KCTD1: variants seen among roughly 807,000 people sequenced by gnomAD.
KCTD1 encodes the protein potassium channel tetramerization domain containing 1.
Under a neutral mutation model 66.0 loss-of-function variants are expected in KCTD1, and 24 were observed. The ratio of observed to expected loss-of-function variants is 0.36; its 90% confidence interval spans 0.26 to 0.51. The LOEUF is 0.51. KCTD1 is among the 20% of genes least tolerant of loss of function. The pLI, the probability that KCTD1 is intolerant of heterozygous loss-of-function variation, is 0.95. For synonymous variants in KCTD1, 511 were observed against 517.2 expected (o/e 0.99, Z 0.16); for missense variants, 943 against 1,205.2 (o/e 0.78, Z 3.22).
In KCTD1 at chr18:26,532,927, C is replaced by T. The variant is rs148459182; in HGVS notation, c.1809+13801G>A. ...ACCTTCACTGCCTTGTTCTTTATTG[C>T]GTCCTCAGTGATAAGCGAAGTTGGT... On this transcript the variant is annotated intron_variant, in intron 1 of 4. Coordinates refer to ENST00000580059, the MANE Select transcript of KCTD1 (RefSeq NM_001142730.3). Among the ~76,000 whole-genome samples the T allele has an allele frequency of 1.5e-3, 232 of 152,318 alleles. 1 individual carries two copies. Among genetic ancestry groups the T allele is most frequent in the African/African-American group, 5.2e-3 (217 of 41,570 alleles).
intron 1 of KCTD1, among the ~76,000 whole-genome samples, chr18:26,519,008 C>T (rs1156544188): frequency 6.6e-6 from 1 of 152,176 alleles, no homozygotes; most frequent in Non-Finnish European, 1.5e-5. Flanking sequence ...ATAATGTATA[C>T]TAATGAACTT....
At chr18:26,603,887 A>G (rs1011465587) in intron 1 of KCTD1, among the ~76,000 whole-genome samples, 1 of 152,126 alleles carries the variant, frequency 6.6e-6, no homozygotes, top group Non-Finnish European at 1.5e-5. Context: ...AATCACAACA[A>G]AAGCAAAAAT....
rs1281422889 is a variant in KCTD1 at position 26,532,257 on chromosome 18, CCTTCTTT to C, written c.1809+14464_1809+14470del. Among the ~76,000 whole-genome samples the C allele has an allele frequency of 8.6e-5, 11 of 128,206 alleles. 2 individuals are homozygous for C. Among genetic ancestry groups the C allele is most frequent in the African/African-American group, 2.4e-4 (7 of 29,670 alleles). 84.1% of individuals were successfully genotyped at this position (128,206 alleles called of 152,430 possible). Reference sequence around the variant, plus strand: ...TATTCTTTTTCTTTTTCTTTTCTTTCCTTCTTTTTTTTTTTTTTTTTTTTTTTTTTGA... The same window carrying C: ...TATTCTTTTTCTTTTTCTTTTCTTTCTTTTTTTTTTTTTTTTTTTTTTTGA... On this transcript the variant is annotated intron_variant, in intron 1 of 4. Transcript: ENST00000580059.
At chr18:26,625,693 T>C (rs1016916772) in intron 1 of KCTD1, among the ~76,000 whole-genome samples, 16 of 152,246 alleles carry the variant, frequency 1.1e-4, no homozygotes. Context: ...TAATGTCCTA[T>C]AACATTGTTC....
chr18:26,536,993 G>GA (rs1490755820), intron 1 of KCTD1, among the ~76,000 whole-genome samples: 1 of 151,018 alleles, frequency 6.6e-6, no homozygotes, highest in Non-Finnish European at 1.5e-5. Context: ...AAGTGATCCT[G>GA]AAAAAAATAG....
At chr18:26,548,917 G>C (rs1025798529), upstream of KCTD1, 9 of 989,184 alleles carry the variant, frequency 9.1e-6, no homozygotes, top group African/African-American at 5.2e-5. Flanking sequence ...GCGCGGGCCC[G>C]GGCGGGAGAG....
Position 26,622,757 on chromosome 18 carries a change from A to G in KCTD1, c.-16+6390T>C, listed in dbSNP as rs1987413498. Among the ~76,000 whole-genome samples the G allele has an allele frequency of 2.6e-5, 4 of 151,752 alleles. No homozygotes were observed. In the South Asian group the frequency reaches 8.4e-4, roughly 32 times the overall value. On this transcript the variant is annotated intron_variant, in intron 1 of 4. Coordinates refer to the KCTD1 transcript ENST00000317932. ...GCCTACCAGATGGGTAGGGGTGGAG[A>G]GGGTAGAGAGGGGGTGGCGGAAGTG...
chr18:26,554,574 A>C (rs1250186610), intron 1 of KCTD1, among the ~76,000 whole-genome samples: 1 of 152,232 alleles, frequency 6.6e-6, no homozygotes, highest in African/African-American at 2.4e-5. Flanking sequence ...TTCTATTGAA[A>C]TCCTGGGCTA....
intron 1 of KCTD1, among the ~76,000 whole-genome samples, chr18:26,609,886 C>G (rs924826884): frequency 6.6e-6 from 1 of 152,168 alleles, no homozygotes; most frequent in African/African-American, 2.4e-5. Flanking sequence ...AAATTTCTGC[C>G]ATAAAACACA....
intron 2 of KCTD1, among the ~76,000 whole-genome samples, chr18:26,478,378 C>T (rs1052618718): frequency 6.6e-6 from 1 of 152,142 alleles, no homozygotes; most frequent in Non-Finnish European, 1.5e-5. Flanking sequence ...GCCTCCCTTA[C>T]AACGATTGGA....
chr18:26,467,085 CTAATGTTT>C (rs1980773978), intron 3 of KCTD1, among the ~76,000 whole-genome samples: 2 of 150,372 alleles, frequency 1.3e-5, no homozygotes, highest in South Asian at 4.2e-4. Flanking sequence ...AGGCTACTCA[CTAATGTTT>C]TAACATTGGC....
chr18:26,507,134 C>A (rs1427396349), intron 1 of KCTD1, among the ~76,000 whole-genome samples: 4 of 152,144 alleles, frequency 2.6e-5, no homozygotes, highest in Non-Finnish European at 5.9e-5. Flanking sequence ...CCACTGTACT[C>A]CAGCCTGGGT....
In KCTD1 at chr18:26,568,135, C is replaced by T. The variant is rs181720092; in HGVS notation, c.-16+61012G>A. On this transcript the variant is annotated intron_variant, in intron 1 of 4. Coordinates refer to the KCTD1 transcript ENST00000317932. ...TTCCACAAGGTGATGTTAAATGAAA[C>T]CCCACATACAGCAAAAGTAATATAA... Among the ~76,000 whole-genome samples, 275 of 152,290 alleles carry T rather than the reference C, an allele frequency of 1.8e-3. 6 individuals are homozygous for T. The highest frequency in any genetic ancestry group is 6.3e-3 in the African/African-American group (262 of 41,560).
At chr18:26,507,326 C>T (rs1384079966) in intron 1 of KCTD1, among the ~76,000 whole-genome samples, 1 of 152,116 alleles carries the variant, frequency 6.6e-6, no homozygotes, top group Non-Finnish European at 1.5e-5. Flanking sequence ...TTGAATTTCC[C>T]ACTTCTGTGA....
intron 2 of KCTD1, among the ~76,000 whole-genome samples, chr18:26,484,932 A>C (rs536748069): frequency 6.6e-6 from 1 of 152,346 alleles, no homozygotes; most frequent in Admixed American, 6.5e-5. Flanking sequence ...GGTGACGTAC[A>C]GACACAGCCA....
chr18:26,542,804 C>CA (rs973457747), intron 1 of KCTD1, among the ~76,000 whole-genome samples: 71 of 152,238 alleles, frequency 4.7e-4, no homozygotes, highest in African/African-American at 1.6e-3. Flanking sequence ...TTTTCTGTTT[C>CA]ATGGGTCAGC....
chr18:26,497,966 T>C (rs975439405), intron 2 of KCTD1, among the ~76,000 whole-genome samples: 1 of 152,194 alleles, frequency 6.6e-6, no homozygotes, highest in African/African-American at 2.4e-5. Context: ...TGGAAAATAT[T>C]TGGAATTTGA....
At chr18:26,467,849 A>G (rs1188474046) in intron 3 of KCTD1, among the ~76,000 whole-genome samples, 1 of 152,236 alleles carries the variant, frequency 6.6e-6, no homozygotes, top group Admixed American at 6.5e-5. Context: ...AATTAAAAAA[A>G]TACCCAATAG....
intron 1 of KCTD1, among the ~76,000 whole-genome samples, chr18:26,576,141 G>T (rs944148613): frequency 6.6e-6 from 1 of 152,118 alleles, no homozygotes; most frequent in African/African-American, 2.4e-5. Context: ...GCCCTCTCCA[G>T]GTTCTTATGC....
Sources: gnomAD v4.1 joint callset for allele counts (sites outside exome capture counted in the v4.1 genomes callset) on GRCh38, gnomAD v4.1.1 for gene constraint, MANE v1.5 for transcripts, NCBI Gene and HGNC (gene_info 2026-07-23, HGNC 2026-07-21) for gene names.